Variants in SAFB2 observed in about 807,000 individuals in gnomAD.
SAFB2 encodes scaffold attachment factor B2.
A neutral mutation model predicts 100.6 loss-of-function variants in SAFB2; 32 were observed. The ratio of observed to expected loss-of-function variants is 0.32; its 90% CI spans 0.24 to 0.43. The LOEUF (loss-of-function observed/expected upper bound fraction) is 0.43. SAFB2 is among the 20% of genes least tolerant of loss of function. The pLI is 1.00. For synonymous variants in SAFB2, 500 were observed against 439.4 expected, an observed-to-expected ratio of 1.14 and a Z score of -1.72; for missense variants, 1,185 against 1,163.4, an observed-to-expected ratio of 1.02 and a Z score of -0.27.
intron 13 of SAFB2, among the ~76,000 whole-genome samples, chr19:5,597,465 G>A (rs2052556765): frequency 6.6e-6 from 1 of 151,988 alleles, no homozygotes; most frequent in Admixed American, 6.5e-5. Context: ...AAAGCAAAAA[G>A]GAAAAAAGCC....
At chr19:5,615,669 T>C (rs1042366532) in intron 4 of SAFB2, among the ~76,000 whole-genome samples, 6 of 152,194 alleles carry the variant, frequency 3.9e-5, no homozygotes, top group African/African-American at 1.4e-4. Flanking sequence ...CCCACTGCAC[T>C]CCAGCCTGCA....
At chr19:5,615,932 CCCAG>C (rs1349702583) in intron 4 of SAFB2, among the ~76,000 whole-genome samples, 196 bp downstream of exon 4, 1 of 152,178 alleles carries the variant, frequency 6.6e-6, no homozygotes, top group Non-Finnish European at 1.5e-5. Context: ...AAAAACACTC[CCCAG>C]TGCTACAGAA....
chr19:5,598,206 A>T (rs1378955806), intron 13 of SAFB2, among the ~76,000 whole-genome samples: 1 of 152,100 alleles, frequency 6.6e-6, no homozygotes, highest in East Asian at 1.9e-4. Flanking sequence ...TGAACTCCAC[A>T]TTCGTTAAAA....
Position 5,590,278 on chromosome 19 carries a change from C to G in SAFB2, c.2525G>C (p.Arg842Thr). The change falls in exon 18 of 21, where the codon AGG becomes ACG. Residue 842 changes from arginine (R) to threonine (T), a missense_variant and splice_region_variant. By Grantham distance (71) the Arg-to-Thr change is moderately conservative (BLOSUM62 -1). This residue lies in a region of SAFB2 where 740 missense variants were observed against 687.1 expected (regional missense o/e 1.08). Transcript: ENST00000252542. ...ACCCGGCTGGGGCTCACCCACTAAC[C>G]TGGGGGGAGGGGGCAGCCCCCGGCC... ...SEGRGLPPPPRGGRDWGEHNQ... is the reference protein window; with the variant it reads ...SEGRGLPPPPTGGRDWGEHNQ... The G allele has an allele frequency of 6.3e-7, 1 of 1,592,172 alleles. No homozygotes were observed. The highest frequency in any genetic ancestry group is 8.5e-7 in the Non-Finnish European group (1 of 1,170,450).
At position 5,612,521 on chromosome 19, in the gene SAFB2, G is replaced by T. The variant is rs772187703; in HGVS notation, c.634+19C>A. ...TGAAAACTTTCAAACCATAACTGTC[G>T]TGTTTCTCTTATCAGTACCTGGCTC... On this transcript the variant is annotated intron_variant, in intron 6 of 20. Coordinates refer to ENST00000252542, the MANE Select transcript of SAFB2 (RefSeq NM_014649.3). The T allele has an allele frequency of 4.4e-6, 7 of 1,607,702 alleles. No individual in the cohort carries two copies. Among genetic ancestry groups the T allele is most frequent in the African/African-American group, 4.0e-5 (3 of 74,748 alleles).
intron 4 of SAFB2, among the ~76,000 whole-genome samples, chr19:5,615,325 A>T (rs577293632): frequency 1.3e-5 from 2 of 152,352 alleles, no homozygotes; most frequent in South Asian, 4.1e-4. Flanking sequence ...ACTGCACTCC[A>T]GCCTGGGTGA....
At chr19:5,613,809 T>G (rs2052963413) in intron 4 of SAFB2, 15 of 862,562 alleles carry the variant, frequency 1.7e-5, no homozygotes, top group Admixed American at 6.2e-5. Flanking sequence ...TAAGTACTGG[T>G]GATTACCACA....
intron 11 of SAFB2, among the ~76,000 whole-genome samples, chr19:5,601,063 C>G (rs899698905): frequency 6.6e-6 from 1 of 152,206 alleles, no homozygotes; most frequent in Non-Finnish European, 1.5e-5. Context: ...GGGTTCCCGG[C>G]AGAGCTCCAG....
At chr19:5,601,261 C>T (rs1468781944) in intron 11 of SAFB2, among the ~76,000 whole-genome samples, 2 of 152,220 alleles carry the variant, frequency 1.3e-5, no homozygotes, top group Non-Finnish European at 2.9e-5. Context: ...TCCCTCATCC[C>T]TGCGACAACC....
At chr19:5,619,117 GA>G (rs2145364277) in intron 2 of SAFB2, among the ~76,000 whole-genome samples, 1 of 152,310 alleles carries the variant, frequency 6.6e-6, no homozygotes, top group African/African-American at 2.4e-5. Context: ...ATTAACTGGT[GA>G]ATTCCTCCTG....
Position 5,612,573 on chromosome 19 carries a change from T to TA in SAFB2, c.607-7dup. ...AAAAGGGATTCTTCAATGTCCTATT[T>TA]AAAAAAGAAAAAGCAAATCCACAAG... On this transcript the variant is annotated splice_polypyrimidine_tract_variant and splice_region_variant and intron_variant, in intron 5 of 20. Transcript: ENST00000252542. The TA allele has an allele frequency of 6.2e-7, 1 of 1,612,368 alleles. No homozygotes were observed. The highest frequency in any genetic ancestry group is 1.1e-5 in the South Asian group (1 of 90,982).
At chr19:5,619,090 T>C in intron 2 of SAFB2, among the ~76,000 whole-genome samples, 1 of 152,226 alleles carries the variant, frequency 6.6e-6, no homozygotes. Context: ...CACTGCTGCA[T>C]AGTGCTTGAA....
intron 16 of SAFB2, 137 bp downstream of exon 16, chr19:5,592,610 G>C: frequency 2.1e-6 from 2 of 951,476 alleles, no homozygotes; most frequent in Non-Finnish European, 3.2e-6. Flanking sequence ...CAAGGCCAGA[G>C]TCATCCACTG....
chr19:5,613,364 G>T, intron 5 of SAFB2, 101 bp downstream of exon 5: 1 of 1,040,312 alleles, frequency 9.6e-7, no homozygotes. Flanking sequence ...ATCCAGCACA[G>T]TATCCAGTCA....
intron 4 of SAFB2, 52 bp downstream of exon 4, chr19:5,616,080 C>G (rs747376474): frequency 6.4e-7 from 1 of 1,566,456 alleles, no homozygotes; most frequent in South Asian, 1.1e-5. Flanking sequence ...CACGCGAGCA[C>G]CAGGTGCCTC....
intron 9 of SAFB2, among the ~76,000 whole-genome samples, chr19:5,608,635 A>G (rs1236657805): frequency 1.3e-5 from 2 of 152,206 alleles, no homozygotes; most frequent in Non-Finnish European, 2.9e-5. Flanking sequence ...AAACTGTGTC[A>G]GACAGGGCCC....
chr19:5,598,577 G>A (rs997475162), intron 13 of SAFB2: 3 of 573,162 alleles, frequency 5.2e-6, no homozygotes, highest in Non-Finnish European at 9.4e-6. Context: ...ATCCCGGTCA[G>A]GAGCCAGTAA....
At chr19:5,618,005 A>T (rs1280951336) in intron 2 of SAFB2, among the ~76,000 whole-genome samples, 1 of 152,118 alleles carries the variant, frequency 6.6e-6, no homozygotes, top group Non-Finnish European at 1.5e-5. Flanking sequence ...TTAGCCAGGC[A>T]TGGTGTTATG....
chr19:5,608,310 A>G (rs1309335460), intron 9 of SAFB2, among the ~76,000 whole-genome samples: 1 of 152,194 alleles, frequency 6.6e-6, no homozygotes. Context: ...TACGCTCATC[A>G]CAACACATCA....
Sources: gnomAD v4.1 joint callset for allele counts (sites outside exome capture counted in the v4.1 genomes callset) on GRCh38, gnomAD v4.1.1 for gene constraint, gnomAD v4.1.1 regional missense constraint, MANE v1.5 for transcripts, NCBI Gene and HGNC (gene_info 2026-07-23, HGNC 2026-07-21) for gene names.